MAL2: variants seen among roughly 807,000 people sequenced by gnomAD.
MAL2 encodes mal, T cell differentiation protein 2.
MAL2 carries 17 observed loss-of-function variants against 18.1 expected under a neutral mutation model. The ratio of observed to expected loss-of-function variants is 0.94; its 90% CI spans 0.64 to 1.41. MAL2 has a LOEUF of 1.41. MAL2 is among the 40% of genes most tolerant of loss of function. MAL2 has a pLI of 0.00. For missense variants in MAL2, 222 were observed against 231.9 expected (o/e 0.96, Z 0.28); for synonymous variants, 102 against 102.3 (o/e 1.00, Z 0.02).
Position 119,231,714 on chromosome 8 carries a change from A to C in MAL2, c.304-8451A>C, listed in dbSNP as rs151237953. On this transcript the variant is annotated intron_variant, in intron 2 of 3. Transcript: ENST00000614891. ...AAGGCCAGTAGATGAATGGATAAAG[A>C]AAATGCAGTATATATTCACAATACT... Among the ~76,000 whole-genome samples the C allele has an allele frequency of 3.4e-3, 519 of 152,374 alleles. 6 individuals carry two copies. Among genetic ancestry groups the C allele is most frequent in the African/African-American group, 0.011 (471 of 41,582 alleles).
rs149568452 is a variant in MAL2, at chr8:119,225,144, G to A, written c.303+3387G>A. Among the ~76,000 whole-genome samples the A allele has an allele frequency of 2.8e-3, 432 of 151,802 alleles. 1 individual carries two copies. The highest frequency in any genetic ancestry group is 9.8e-3 in the African/African-American group (407 of 41,392). ...TCACTCCAACTTTTTTTATACTTTA[G>A]GTTTTAGGGTACATGTGCACAACGT... On this transcript the variant is annotated intron_variant, in intron 2 of 3. Transcript: ENST00000614891.
At chr8:119,228,729 C>T (rs1051630311) in intron 2 of MAL2, among the ~76,000 whole-genome samples, 5 of 152,150 alleles carry the variant, frequency 3.3e-5, no homozygotes, top group African/African-American at 4.8e-5. Context: ...CTCAGAGAGT[C>T]ATAAAAGCAA....
Position 119,208,579 on chromosome 8 carries a change from C to G in MAL2, c.107C>G (p.Ser36Trp). Residue 36 changes from serine (S) to tryptophan (W), a missense_variant, in exon 1 of 4, where the codon TCG becomes TGG. Coordinates refer to ENST00000614891, the MANE Select transcript of MAL2 (RefSeq NM_052886.3). The surrounding 1 kb of genome is among the most constrained non-coding windows in gnomAD (Gnocchi z 4.3). ...GGCCCCGACATCCTGCGGACCTACT[C>G]GGGCGCCTTCGTCTGCCTGGAGATT... is the stretch of plus-strand genomic sequence containing the variant. ...PAGPDILRTYSGAFVCLEILF... is the reference protein window; with the variant it reads ...PAGPDILRTYWGAFVCLEILF... 1 of 1,387,470 alleles carries G rather than the reference C, an allele frequency of 7.2e-7. No individual in the cohort carries two copies. The highest frequency in any genetic ancestry group is 9.4e-7 in the Non-Finnish European group (1 of 1,066,562). 85.9% of individuals were successfully genotyped at this position (1,387,470 alleles called of 1,614,324 possible). A position where few individuals can be genotyped will look rare whatever the true frequency, so the allele number is the denominator to read the frequency against.
chr8:119,239,484 G>A (rs184052311), intron 2 of MAL2, among the ~76,000 whole-genome samples: 1,647 of 151,050 alleles, frequency 0.011, 30 homozygotes, highest in African/African-American at 0.039. Context: ...TGTTTATTGC[G>A]GCATTATTCA....
At chr8:119,233,486 G>A (rs60738905) in intron 2 of MAL2, among the ~76,000 whole-genome samples, 15,183 of 151,992 alleles carry the variant, frequency 0.1, 2,259 homozygotes, top group African/African-American at 0.33. Context: ...AAAAAATGAC[G>A]AAGGGGATAG....
chr8:119,231,972 G>A (rs1266467684), intron 2 of MAL2, among the ~76,000 whole-genome samples: 1 of 152,116 alleles, frequency 6.6e-6, no homozygotes, highest in African/African-American at 2.4e-5. Flanking sequence ...TAGGAGAAAT[G>A]AGTTCAAGAG....
chr8:119,235,474 G>A (rs536564169), intron 2 of MAL2, among the ~76,000 whole-genome samples: 12 of 152,024 alleles, frequency 7.9e-5, no homozygotes, highest in African/African-American at 2.9e-4. Context: ...CTCGAGAAGA[G>A]CAACTCCAAG....
chr8:119,234,690 C>T (rs1817835435), intron 2 of MAL2, among the ~76,000 whole-genome samples: 1 of 151,804 alleles, frequency 6.6e-6, no homozygotes, highest in Non-Finnish European at 1.5e-5. Flanking sequence ...CACCCCCCAG[C>T]AGGGGCACAC....
At chr8:119,231,275 G>A (rs368437161) in intron 2 of MAL2, among the ~76,000 whole-genome samples, 8 of 152,046 alleles carry the variant, frequency 5.3e-5, no homozygotes, top group South Asian at 4.1e-4. Context: ...CTCATGATCC[G>A]CCCGCCTTGA....
At chr8:119,240,027 G>T (rs77618308) in intron 2 of MAL2, 138 bp from the exon 3 acceptor site, 72,859 of 933,860 alleles carry the variant, frequency 0.078, 3,243 homozygotes, top group Non-Finnish European at 0.089. Context: ...TTCTAAAGCA[G>T]CTAAGCTTAA....
chr8:119,209,961 G>T (rs1279651039), intron 1 of MAL2, among the ~76,000 whole-genome samples: 1 of 152,092 alleles, frequency 6.6e-6, no homozygotes, highest in Non-Finnish European at 1.5e-5. Flanking sequence ...GACACGTTTA[G>T]AACTGGAAGA....
chr8:119,211,454 C>T (rs1204394496), intron 1 of MAL2, among the ~76,000 whole-genome samples: 1 of 152,206 alleles, frequency 6.6e-6, no homozygotes, highest in Non-Finnish European at 1.5e-5. Context: ...GGGCTATCAA[C>T]AGTTGACTAC....
intron 2 of MAL2, among the ~76,000 whole-genome samples, chr8:119,226,570 C>T (rs1300642512): frequency 6.6e-6 from 1 of 151,774 alleles, no homozygotes. Flanking sequence ...ACATAGTGGG[C>T]AGTGCTCTGG....
intron 1 of MAL2, chr8:119,215,121 G>C (rs1817328096): frequency 2.0e-5 from 3 of 152,422 alleles, no homozygotes; most frequent in Non-Finnish European, 4.4e-5. Flanking sequence ...ATTTAAAATT[G>C]GGTGTCATGA....
chr8:119,237,842 G>T (rs1406979283), intron 2 of MAL2, among the ~76,000 whole-genome samples: 1 of 152,044 alleles, frequency 6.6e-6, no homozygotes, highest in Non-Finnish European at 1.5e-5. Context: ...ATACTGAATG[G>T]GCAAAAACTG....
rs186056157 is a variant in MAL2, at chr8:119,241,134, G to A, written c.459+814G>A. Among the ~76,000 whole-genome samples, 10 of 152,266 alleles carry A rather than the reference G, an allele frequency of 6.6e-5. No individual in the cohort carries two copies. In the East Asian group the frequency reaches 1.9e-3, roughly 29 times the overall value. ...ATATAGTCATTGAAATCTGTCTGGA[G>A]CAGCACTGTCTAGTAGAACTTTCTA... is the stretch of plus-strand genomic sequence containing the variant. On this transcript the variant is annotated intron_variant, in intron 3 of 3. Coordinates refer to ENST00000614891, the MANE Select transcript of MAL2 (RefSeq NM_052886.3).
chr8:119,229,339 G>A (rs922665039), intron 2 of MAL2, among the ~76,000 whole-genome samples: 25 of 139,168 alleles, frequency 1.8e-4, no homozygotes, highest in Non-Finnish European at 2.9e-4. Flanking sequence ...TTGAGACAGA[G>A]TCTTGCTCTA....
intron 3 of MAL2, 101 bp downstream of exon 3, chr8:119,240,421 A>T: frequency 1.6e-6 from 2 of 1,219,134 alleles, no homozygotes; most frequent in Non-Finnish European, 2.3e-6. Flanking sequence ...CTTCAATGCT[A>T]GCCATTGGCA....
Position 119,208,525 on chromosome 8 carries a change from TC to T in MAL2, c.56del (p.Pro19ArgfsTer55). On this transcript the variant is annotated frameshift_variant, in exon 1 of 4. Coordinates refer to ENST00000614891, the MANE Select transcript of MAL2 (RefSeq NM_052886.3). LOFTEE classifies it high-confidence loss of function. The surrounding 1 kb of genome is among the most constrained non-coding windows in gnomAD (Gnocchi z 4.3). Reference protein sequence around the residue: ...VPPPPNPAVSFPPPRVTLPAG... With the variant: ...VPPPPNPAVSXPPPRVTLPAG... ...CCGCCCCCGAACCCCGCCGTGTCCT[TC>T]CCGCCGCCCCGGGTCACCCTGCCCG... The T allele has an allele frequency of 1.4e-6, 2 of 1,384,632 alleles. No homozygotes were observed. Among genetic ancestry groups the T allele is most frequent in the African/African-American group, 1.5e-5 (1 of 67,308 alleles). The allele number at this position is 1,384,632 out of a possible 1,614,324, so 85.8% of individuals were successfully genotyped here. A position where few individuals can be genotyped will look rare whatever the true frequency, so the allele number is the denominator to read the frequency against.
Sources: allele counts gnomAD v4.1 joint callset (sites outside exome capture counted in the v4.1 genomes callset), GRCh38; gene constraint gnomAD v4.1.1; non-coding constraint Gnocchi (gnomAD v3.1); transcripts MANE v1.5; gene names NCBI Gene and HGNC (gene_info 2026-07-23, HGNC 2026-07-21).